Variants in CCDC91 observed in about 807,000 individuals in gnomAD.
CCDC91 encodes the protein coiled-coil domain-containing protein 91.
Under a neutral mutation model 63.2 loss-of-function variants are expected in CCDC91, and 48 were observed. The ratio of observed to expected loss-of-function variants is 0.76; its 90% CI spans 0.60 to 0.97. CCDC91 has a LOEUF of 0.97. Among genes scored for constraint, CCDC91 ranks in the 50% least tolerant of loss-of-function variants. CCDC91 has a pLI of 0.00. For synonymous variants in CCDC91, 167 were observed against 165.8 expected (o/e 1.01, Z -0.06); for missense variants, 500 against 494.6 (o/e 1.01, Z -0.10).
chr12:28,401,676 T>C (rs1946629972), intron 8 of CCDC91, among the ~76,000 whole-genome samples: 1 of 152,168 alleles, frequency 6.6e-6, no homozygotes, highest in African/African-American at 2.4e-5. Context: ...CACCTGGTCC[T>C]GCCTTTGACA....
intron 8 of CCDC91, among the ~76,000 whole-genome samples, chr12:28,435,259 C>A (rs1303165343): frequency 6.6e-6 from 1 of 151,402 alleles, no homozygotes; most frequent in Non-Finnish European, 1.5e-5. Flanking sequence ...AAAATATATT[C>A]TGGGCACTGC....
At chr12:28,427,253 C>G (rs150205327) in intron 8 of CCDC91, among the ~76,000 whole-genome samples, 1 of 152,152 alleles carries the variant, frequency 6.6e-6, no homozygotes, top group Admixed American at 6.5e-5. Context: ...GGCTAGAGCG[C>G]GCTGGAATCT....
At chr12:28,334,983 TTATG>T (rs1000282815) in intron 6 of CCDC91, among the ~76,000 whole-genome samples, 2 of 133,588 alleles carry the variant, frequency 1.5e-5, no homozygotes, top group African/African-American at 5.4e-5. Flanking sequence ...AGTTCAGTGT[TTATG>T]TGTGTGTGTA....
intron 1 of CCDC91, among the ~76,000 whole-genome samples, chr12:28,194,196 C>T (rs559744998): frequency 4.6e-5 from 7 of 152,230 alleles, no homozygotes; most frequent in Non-Finnish European, 1.0e-4. Flanking sequence ...AGGTCTGTGA[C>T]CAATTTCGAG....
At chr12:28,327,826 C>G (rs1301599801) in intron 6 of CCDC91, among the ~76,000 whole-genome samples, 2 of 152,082 alleles carry the variant, frequency 1.3e-5, no homozygotes, top group Non-Finnish European at 2.9e-5. Context: ...TGAAGTTCTT[C>G]AGAGGCCAAG....
At chr12:28,427,643 A>G (rs1565955547) in intron 8 of CCDC91, among the ~76,000 whole-genome samples, 5 of 152,168 alleles carry the variant, frequency 3.3e-5, no homozygotes, top group Admixed American at 2.6e-4. Flanking sequence ...TGCTGTGGAT[A>G]AACAGATTTT....
chr12:28,312,356 A>G (rs957661177), intron 6 of CCDC91, among the ~76,000 whole-genome samples: 15 of 151,978 alleles, frequency 9.9e-5, no homozygotes, highest in African/African-American at 3.1e-4. Context: ...ATTTATGTGT[A>G]TGTGTTAGAT....
intron 3 of CCDC91, among the ~76,000 whole-genome samples, chr12:28,271,191 A>T (rs1482392172): frequency 6.6e-6 from 1 of 152,132 alleles, no homozygotes; most frequent in Non-Finnish European, 1.5e-5. Context: ...CAGGGCTTAC[A>T]AAAAGCTTTA....
intron 11 of CCDC91, among the ~76,000 whole-genome samples, chr12:28,481,993 G>A (rs927559272): frequency 6.6e-6 from 1 of 151,836 alleles, no homozygotes; most frequent in African/African-American, 2.4e-5. Context: ...TCTTATGACA[G>A]TTTTTTATCT....
At chr12:28,526,033 T>C (rs1030556877) in intron 12 of CCDC91, among the ~76,000 whole-genome samples, 2 of 152,148 alleles carry the variant, frequency 1.3e-5, no homozygotes, top group African/African-American at 4.8e-5. Context: ...AGTTGATGAA[T>C]TCTTATCTAT....
intron 8 of CCDC91, among the ~76,000 whole-genome samples, chr12:28,396,911 C>T (rs1946329405): frequency 6.6e-6 from 1 of 151,980 alleles, no homozygotes; most frequent in East Asian, 1.9e-4. Flanking sequence ...ACAGTTGAAT[C>T]CAGGGTGGAG....
At chr12:28,441,070 A>G (rs1949169972) in intron 8 of CCDC91, among the ~76,000 whole-genome samples, 1 of 26,146 alleles carries the variant, frequency 3.8e-5, no homozygotes, top group Non-Finnish European at 8.7e-5. Context: ...AAAAAAAAAA[A>G]AAAAAAAAAA....
At chr12:28,198,777 G>A (rs1405275234) in intron 1 of CCDC91, among the ~76,000 whole-genome samples, 1 of 151,954 alleles carries the variant, frequency 6.6e-6, no homozygotes, top group Non-Finnish European at 1.5e-5. Context: ...TAATGCTTAA[G>A]GTAGTATTTA....
chr12:28,291,400 G>A (rs548400416), intron 3 of CCDC91, among the ~76,000 whole-genome samples: 1 of 152,118 alleles, frequency 6.6e-6, no homozygotes, highest in East Asian at 1.9e-4. Context: ...ACAAGAATTG[G>A]GCCCTTTCTG....
intron 6 of CCDC91, among the ~76,000 whole-genome samples, chr12:28,314,355 C>T (rs540571643): frequency 7.7e-4 from 117 of 151,974 alleles, no homozygotes; most frequent in Non-Finnish European, 1.4e-3. Flanking sequence ...TTTTCATGTA[C>T]TCTTTAAAAA....
intron 4 of CCDC91, 146 bp downstream of exon 4, chr12:28,305,952 T>C: frequency 1.5e-6 from 1 of 671,990 alleles, no homozygotes; most frequent in East Asian, 2.9e-5. Context: ...AGGCTAATAC[T>C]TAGAATTCAA....
intron 12 of CCDC91, among the ~76,000 whole-genome samples, chr12:28,522,534 G>T (rs1324309731): frequency 1.8e-4 from 28 of 152,056 alleles, no homozygotes; most frequent in Middle Eastern, 3.4e-3. Context: ...GCTCCTGGAT[G>T]CATTGATTTT....
At position 28,391,367 on chromosome 12, in the gene CCDC91, A is replaced by T. The variant is rs763387977; in HGVS notation, c.718A>T (p.Ile240Phe). The stretch of plus-strand genomic sequence containing the variant: ...TATTGAAAAACAGTACATTTCTGCA[A>T]TTGAGAAACAGGCACACAAGTGTGA... The part of the protein sequence containing the change: ...EAIEKQYISA[I>F]EKQAHKCEEL... The change falls in exon 8 of 13, where the codon ATT becomes TTT. Residue 240 changes from isoleucine (I) to phenylalanine (F), a missense_variant. Transcript: ENST00000536442. 1.9e-6 allele frequency: 3 copies of T among 1,613,058 alleles called. No homozygotes were observed. Among genetic ancestry groups the T allele is most frequent in the East Asian group, 4.5e-5 (2 of 44,796 alleles).
intron 11 of CCDC91, among the ~76,000 whole-genome samples, chr12:28,457,262 G>C (rs986888613): frequency 3.7e-4 from 56 of 151,984 alleles, no homozygotes; most frequent in African/African-American, 1.2e-3. Flanking sequence ...TAGACCTGAA[G>C]AGCCTCTCTC....
Sources: gnomAD v4.1 joint callset for allele counts (sites outside exome capture counted in the v4.1 genomes callset) on GRCh38, gnomAD v4.1.1 for gene constraint, MANE v1.5 for transcripts, NCBI Gene and HGNC (gene_info 2026-07-23, HGNC 2026-07-21) for gene names.